Variants in NAA16 observed in about 807,000 individuals in gnomAD.
The protein encoded by NAA16 is N-alpha-acetyltransferase 16, NatA auxiliary subunit, also known as NARG1-like protein.
NAA16 carries 97 observed loss-of-function variants against 110.3 expected under a neutral mutation model. The ratio of observed to expected loss-of-function variants is 0.88; its 90% CI spans 0.75 to 1.04. The LOEUF is 1.04. Among genes scored for constraint, NAA16 ranks in the 50% least tolerant of loss-of-function variants. NAA16 has a pLI of 0.00. For missense variants in NAA16, 1,017 were observed against 1,005.1 expected (o/e 1.01, Z -0.16); for synonymous variants, 372 against 330.6 (o/e 1.13, Z -1.36).
intron 12 of NAA16, among the ~76,000 whole-genome samples, 199 bp downstream of exon 12, chr13:41,359,161 G>T (rs1008616770): frequency 1.3e-5 from 2 of 152,056 alleles, no homozygotes; most frequent in East Asian, 3.9e-4. Flanking sequence ...ATATGTTTCT[G>T]GCAGGGGATG....
intron 9 of NAA16, among the ~76,000 whole-genome samples, chr13:41,351,353 C>A (rs535299969): frequency 5.8e-4 from 89 of 152,250 alleles, no homozygotes; most frequent in African/African-American, 1.9e-3. Context: ...GGACAGTTTA[C>A]CTCTGTAACT....
At chr13:41,347,214 CAAAAA>C (rs76747459) in intron 9 of NAA16, among the ~76,000 whole-genome samples, 6 of 55,268 alleles carry the variant, frequency 1.1e-4, no homozygotes, top group African/African-American at 3.0e-4. Context: ...GACTCCGTCT[CAAAAA>C]AAAAAAAACA....
At chr13:41,346,449 T>A (rs1258813727) in intron 9 of NAA16, among the ~76,000 whole-genome samples, 2 of 152,178 alleles carry the variant, frequency 1.3e-5, no homozygotes, top group Non-Finnish European at 2.9e-5. Context: ...ATCACACAGG[T>A]CCTAGAGACG....
intron 9 of NAA16, among the ~76,000 whole-genome samples, chr13:41,347,234 CAAAAA>C (rs2042709475): frequency 3.4e-5 from 1 of 29,192 alleles, no homozygotes; most frequent in Non-Finnish European, 2.1e-4. Flanking sequence ...AAAACAAAAA[CAAAAA>C]CAAAAAAAGA....
At chr13:41,351,479 A>G (rs917756142) in intron 9 of NAA16, among the ~76,000 whole-genome samples, 3 of 152,306 alleles carry the variant, frequency 2.0e-5, no homozygotes, top group Admixed American at 1.3e-4. Context: ...TTCATATTGC[A>G]GTGACATTTT....
chr13:41,320,600 T>C, intron 3 of NAA16, 67 bp from the exon 4 acceptor site: 1 of 1,365,692 alleles, frequency 7.3e-7, no homozygotes. Flanking sequence ...AATGTAACTT[T>C]TATATTAGAT....
Position 41,333,879 on chromosome 13 carries a change from G to A in NAA16, c.907+2510G>A, listed in dbSNP as rs74049118. ...ATTGTAAAGTGTGATTTAGGTTAAA[G>A]TGGAACCATCCTAGACTCTCTAGGA... On this transcript the variant is annotated intron_variant, in intron 8 of 19. Transcript: ENST00000379406. Among the ~76,000 whole-genome samples the A allele has an allele frequency of 3.5e-3, 534 of 151,740 alleles. 3 individuals are homozygous for A. Among genetic ancestry groups the A allele is most frequent in the African/African-American group, 0.012 (501 of 41,396 alleles).
At chr13:41,364,864 G>T (rs991891198) in intron 13 of NAA16, among the ~76,000 whole-genome samples, 2 of 152,048 alleles carry the variant, frequency 1.3e-5, no homozygotes, top group Non-Finnish European at 2.9e-5. Flanking sequence ...AAATCCAGAG[G>T]TTTTTGTTGC....
At chr13:41,343,236 A>G (rs967688914) in intron 9 of NAA16, among the ~76,000 whole-genome samples, 2 of 151,770 alleles carry the variant, frequency 1.3e-5, no homozygotes, top group African/African-American at 4.8e-5. Flanking sequence ...TCTTGAGTAG[A>G]CGCGTGCCAC....
At chr13:41,374,135 ATTTTTCTTTTTTTTT>A (rs1284942721) in intron 18 of NAA16, among the ~76,000 whole-genome samples, 1 of 145,358 alleles carries the variant, frequency 6.9e-6, no homozygotes, top group African/African-American at 2.5e-5. Flanking sequence ...GTTATAAATT[ATTTTTCTTTTTTTTT>A]TTTTTCTTTG....
At chr13:41,316,996 A>C (rs974692605) in intron 2 of NAA16, 66 bp downstream of exon 2, 8 of 1,124,864 alleles carry the variant, frequency 7.1e-6, no homozygotes, top group Non-Finnish European at 1.1e-5. Flanking sequence ...TAACAGTGAA[A>C]GAAGAGTATT....
intron 3 of NAA16, among the ~76,000 whole-genome samples, chr13:41,319,443 A>C (rs539736806): frequency 6.6e-6 from 1 of 152,202 alleles, no homozygotes; most frequent in Non-Finnish European, 1.5e-5. Context: ...TAACACAGAG[A>C]CATAGCTGTT....
chr13:41,327,663 C>T (rs898145496), intron 6 of NAA16, among the ~76,000 whole-genome samples: 10 of 151,464 alleles, frequency 6.6e-5, no homozygotes, highest in Admixed American at 1.3e-4. Flanking sequence ...ATGAAAAATA[C>T]GCTGTTGTCT....
chr13:41,347,266 T>G (rs1449348406), intron 9 of NAA16, among the ~76,000 whole-genome samples: 1 of 151,280 alleles, frequency 6.6e-6, no homozygotes, highest in Non-Finnish European at 1.5e-5. Context: ...GAAGTGTGAC[T>G]CCTCCTACTT....
Position 41,369,301 on chromosome 13 carries a change from A to C in NAA16, c.1947+18A>C. On this transcript the variant is annotated intron_variant, in intron 15 of 19. Transcript: ENST00000379406. ...TAGAAAGGGTGAGATGGGTTTTACT[A>C]TCTTTGTTATTTGGTAAAATTTATG... 6.6e-7 allele frequency: 1 copy of C among 1,514,780 alleles called. No individual in the cohort carries two copies. 93.8% of individuals were successfully genotyped at this position (1,514,780 alleles called of 1,614,324 possible).
intron 9 of NAA16, among the ~76,000 whole-genome samples, chr13:41,339,011 G>A (rs2042456897): frequency 6.6e-6 from 1 of 152,218 alleles, no homozygotes; most frequent in African/African-American, 2.4e-5. Context: ...GCTATTGTTT[G>A]TAAGTTTCCA....
Position 41,311,392 on chromosome 13 carries a change from A to C in NAA16, c.-137A>C, listed in dbSNP as rs2041550506. The C allele has an allele frequency of 1.1e-5, 9 of 788,360 alleles. No homozygotes were observed. Among genetic ancestry groups the C allele is most frequent in the Non-Finnish European group, 1.0e-5 (5 of 492,884 alleles). The allele number at this position is 788,360 out of a possible 1,614,324, so 48.8% of individuals were successfully genotyped here. ...CCGAACAGCCAGGCTGCCCAATTGC[A>C]ACTGTAGACCAATGAACTAATCCAT... On this transcript the variant is annotated 5_prime_UTR_variant, in exon 1 of 20. Transcript: ENST00000379406.
intron 17 of NAA16, chr13:41,373,254 GTTGTGTT>G (rs2043357768): frequency 1.3e-6 from 1 of 782,252 alleles, no homozygotes; most frequent in Non-Finnish European, 1.5e-6. Context: ...TTTTGTTGTT[GTTGTGTT>G]TTTTGTTTTT....
At chr13:41,369,322 T>G (rs2139514248) in intron 15 of NAA16, 39 bp downstream of exon 15, 2 of 1,480,028 alleles carry the variant, frequency 1.4e-6, no homozygotes, top group Non-Finnish European at 1.8e-6. Flanking sequence ...TTGGTAAAAT[T>G]TATGCTATTT....
Sources: gnomAD v4.1 joint callset for allele counts (sites outside exome capture counted in the v4.1 genomes callset) on GRCh38, gnomAD v4.1.1 for gene constraint, MANE v1.5 for transcripts, NCBI Gene and HGNC (gene_info 2026-07-23, HGNC 2026-07-21) for gene names.